The following GPR132 variants were observed in gnomAD, a reference collection of about 807,000 sequenced individuals.
GPR132 encodes the protein probable G protein-coupled receptor 132.
GPR132 carries 4 observed loss-of-function variants against 1.9 expected under a neutral mutation model. The observed-to-expected ratio is 2.13, with a 90% confidence interval of 1.05 to 4.87. GPR132 has a LOEUF of 4.87. GPR132 is among the 30% of genes most tolerant of loss of function. The pLI, the probability that GPR132 is intolerant of heterozygous loss-of-function variation, is 0.01. For missense variants in GPR132, 404 were observed against 512.5 expected (o/e 0.79, Z 2.04); for synonymous variants, 233 against 234.2 (o/e 0.99, Z 0.05).
chr14:105,051,669 C>G lies in GPR132; in HGVS notation c.468G>C (p.Arg156=), dbSNP rs1886647576. Residue 156 remains arginine, a synonymous_variant, in exon 4 of 4, where the codon CGG becomes CGC. Transcript: ENST00000329797. The surrounding 1 kb of genome is among the most constrained non-coding windows in gnomAD (Gnocchi z 8.0). ...AGGCGGAGATGAGGATGGCGGTCCT[C>G]CGGCGGCGGCGGCCCCGACTCTCCA... ...YALESRGRRR[R]RTAILISACI... 3 of 1,613,718 alleles carry G rather than the reference C, an allele frequency of 1.9e-6. No individual in the cohort carries two copies. Among genetic ancestry groups the G allele is most frequent in the Non-Finnish European group, 2.5e-6 (3 of 1,180,020 alleles).
chr14:105,050,466 C>T lies in GPR132; in HGVS notation c.*528G>A, dbSNP rs544190410. ...GCACAGACCCAACCCCAGATGAGGG[C>T]GCCTGCCCCCTTGGAGGTGGTAGGC... is the stretch of plus-strand genomic sequence containing the variant. On this transcript the variant is annotated 3_prime_UTR_variant, in exon 4 of 4. Coordinates refer to ENST00000329797, the MANE Select transcript of GPR132 (RefSeq NM_013345.4). This position sits in a 1 kb window ranked among gnomAD's most constrained non-coding sequence, Gnocchi z 4.0. 7 of 160,346 alleles carry T rather than the reference C, an allele frequency of 4.4e-5. No individual in the cohort carries two copies. In the East Asian group the frequency reaches 5.5e-4, roughly 13 times the overall value. The allele number at this position is 160,346 out of a possible 1,614,324, so 9.9% of individuals were successfully genotyped here.
At chr14:105,057,433 C>T (rs1378614975) in intron 1 of GPR132, 153 bp from the exon 2 acceptor site, 1 of 478,722 alleles carries the variant, frequency 2.1e-6, no homozygotes, top group African/African-American at 2.0e-5. Flanking sequence ...CCGTTGCATC[C>T]CACATGAGAA....
intron 1 of GPR132, 109 bp from the exon 2 acceptor site, chr14:105,057,389 G>T (rs538806917): frequency 3.5e-4 from 180 of 516,680 alleles, no homozygotes; most frequent in Non-Finnish European, 5.6e-4. Context: ...GTGGCCCGTT[G>T]ATTCGTAGGT....
intron 1 of GPR132, among the ~76,000 whole-genome samples, chr14:105,058,916 C>G (rs576092935): frequency 1.3e-5 from 2 of 152,240 alleles, no homozygotes; most frequent in South Asian, 4.1e-4. Context: ...TGTGCCTCTC[C>G]CACAGCCCTG....
chr14:105,055,024 A>C lies in GPR132; in HGVS notation c.34+363T>G, dbSNP rs1446253631. On this transcript the variant is annotated intron_variant, in intron 3 of 3. Transcript: ENST00000329797. The surrounding 1 kb of genome is among the most constrained non-coding windows in gnomAD (Gnocchi z 4.7). ...GGGCAACAGAGCAAGACTCCATCTC[A>C]AAAAAAAAAAAAAAAAAAAAATTCG... is the stretch of plus-strand genomic sequence containing the variant. 1.8e-4 allele frequency among the ~76,000 whole-genome samples: 1 copy of C among 5,490 alleles called. No individual in the cohort carries two copies. Among genetic ancestry groups the C allele is most frequent in the Admixed American group, 1.5e-3 (1 of 662 alleles). 3.6% of individuals were successfully genotyped at this position (5,490 alleles called of 152,430 possible).
chr14:105,065,049 C>G (rs1385819614), intron 1 of GPR132, among the ~76,000 whole-genome samples: 1 of 152,032 alleles, frequency 6.6e-6, no homozygotes, highest in Non-Finnish European at 1.5e-5. Flanking sequence ...AAGTCCAGCC[C>G]CCTGACTCAC....
chr14:105,061,188 G>A (rs540525070), intron 1 of GPR132, among the ~76,000 whole-genome samples: 52 of 152,266 alleles, frequency 3.4e-4, no homozygotes, highest in Admixed American at 2.4e-3. Flanking sequence ...CCCTCGCACC[G>A]AGGTCCAGCT....
In GPR132 at chr14:105,049,632, T is replaced by G. The variant is rs1886577497; in HGVS notation, c.*1362A>C. 1 of 152,176 alleles carries G rather than the reference T, an allele frequency of 6.6e-6. No homozygotes were observed. The highest frequency in any genetic ancestry group is 2.4e-5 in the African/African-American group (1 of 41,396). The allele number at this position is 152,176 out of a possible 1,614,324, so 9.4% of individuals were successfully genotyped here. ...ACTCTCAAGGGGAGGATGGCTGTTTTGGCTGGGTGTGGTGGTGCACACCTG... is the reference window on the plus strand; with the variant it reads ...ACTCTCAAGGGGAGGATGGCTGTTTGGGCTGGGTGTGGTGGTGCACACCTG... On this transcript the variant is annotated 3_prime_UTR_variant, in exon 4 of 4. Transcript: ENST00000329797.
At position 105,054,417 on chromosome 14, in the gene GPR132, CTTTTT is replaced by C. The variant is rs1203351767; in HGVS notation, c.34+965_34+969del. On this transcript the variant is annotated intron_variant, in intron 3 of 3. Transcript: ENST00000329797. ...AGCCCTGCGGCCCCATTGTGTCGCT[CTTTTT>C]TTTTCTTTTTTTTTTTTTTGAGACG... 37 of 892,372 alleles carry C rather than the reference CTTTTT, an allele frequency of 4.1e-5. No individual in the cohort carries two copies. In the African/African-American group the frequency reaches 7.7e-4, roughly 19 times the overall value. The allele number at this position is 892,372 out of a possible 1,614,324, so 55.3% of individuals were successfully genotyped here.
At chr14:105,058,472 T>C (rs1325528425) in intron 1 of GPR132, among the ~76,000 whole-genome samples, 2 of 152,252 alleles carry the variant, frequency 1.3e-5, no homozygotes, top group Non-Finnish European at 2.9e-5. Flanking sequence ...TTTTGGCCTA[T>C]CATGTTGGCA....
In GPR132 at chr14:105,051,053, G is replaced by T; in HGVS notation, c.1084C>A (p.Pro362Thr). ...ALADHYTFSR[P>T]VHPPGSPCPA... Reference sequence around the variant, plus strand: ...CATGGTGACCCTGGTGGGTGCACGGGCCTGGAGAAGGTGTAGTGGTCTGCA... The same window carrying T: ...CATGGTGACCCTGGTGGGTGCACGGTCCTGGAGAAGGTGTAGTGGTCTGCA... The change falls in exon 4 of 4, where the codon CCC (proline) becomes ACC (threonine). Residue 362 changes from proline (P) to threonine (T), a missense_variant. Coordinates refer to ENST00000329797, the MANE Select transcript of GPR132 (RefSeq NM_013345.4). This position sits in a 1 kb window ranked among gnomAD's most constrained non-coding sequence, Gnocchi z 8.0. The T allele has an allele frequency of 6.2e-7, 1 of 1,614,156 alleles. No homozygotes were observed. The highest frequency in any genetic ancestry group is 1.7e-5 in the Admixed American group (1 of 60,022).
At chr14:105,062,881 T>C (rs1417046619) in intron 1 of GPR132, among the ~76,000 whole-genome samples, 1 of 151,950 alleles carries the variant, frequency 6.6e-6, no homozygotes, top group Non-Finnish European at 1.5e-5. Flanking sequence ...TCTCTCTCTC[T>C]CCCTAACCCT....
intron 1 of GPR132, chr14:105,057,483 A>G: frequency 3.2e-6 from 1 of 312,460 alleles, no homozygotes; most frequent in South Asian, 7.7e-5. Flanking sequence ...TCAAAACGTC[A>G]CATTAGCCAC....
In GPR132 at chr14:105,049,854, A is replaced by C. The variant is rs1367929739; in HGVS notation, c.*1140T>G. On this transcript the variant is annotated 3_prime_UTR_variant, in exon 4 of 4. Coordinates refer to ENST00000329797, the MANE Select transcript of GPR132 (RefSeq NM_013345.4). The stretch of plus-strand genomic sequence containing the variant: ...AAGAGCAACTGCATAGCTGCCTGAC[A>C]AAACGAGAGCGTGGCTCAGCCCCAC... The C allele has an allele frequency of 6.6e-6, 1 of 152,390 alleles. No homozygotes were observed. Among genetic ancestry groups the C allele is most frequent in the Non-Finnish European group, 1.5e-5 (1 of 68,148 alleles). The allele number at this position is 152,390 out of a possible 1,614,324, so 9.4% of individuals were successfully genotyped here.
intron 3 of GPR132, chr14:105,054,357 C>G (rs1886729231): frequency 1.0e-6 from 1 of 985,284 alleles, no homozygotes; most frequent in African/African-American, 1.7e-5. Context: ...CTGTTGACCT[C>G]CAGCACGATG....
intron 3 of GPR132, among the ~76,000 whole-genome samples, chr14:105,052,409 C>A (rs1886675534): frequency 6.6e-6 from 1 of 152,036 alleles, no homozygotes; most frequent in Non-Finnish European, 1.5e-5. Context: ...CTCACTGCAA[C>A]CTCTGCCTCC....
chr14:105,060,665 C>T lies in GPR132; in HGVS notation c.-860-3385G>A, dbSNP rs1016636311. Among the ~76,000 whole-genome samples the T allele has an allele frequency of 4.6e-5, 7 of 152,194 alleles. No homozygotes were observed. Among genetic ancestry groups the T allele is most frequent in the Non-Finnish European group, 1.0e-4 (7 of 68,036 alleles). On this transcript the variant is annotated intron_variant, in intron 1 of 3. Coordinates refer to ENST00000329797, the MANE Select transcript of GPR132 (RefSeq NM_013345.4). This position sits in a 1 kb window ranked among gnomAD's most constrained non-coding sequence, Gnocchi z 6.3. ...CTGGGCCCCATCAGAACGCCTGAGC[C>T]GCCCAGGAAGGGGCTCCCGGGGAGT... is the stretch of plus-strand genomic sequence containing the variant.
chr14:105,062,869 T>C (rs1168523853), intron 1 of GPR132, among the ~76,000 whole-genome samples: 2 of 151,546 alleles, frequency 1.3e-5, no homozygotes, highest in Admixed American at 6.6e-5. Flanking sequence ...TTAAAATTGT[T>C]CTCTCTCTCT....
chr14:105,058,431 A>G (rs909600893), intron 1 of GPR132, among the ~76,000 whole-genome samples: 3 of 152,260 alleles, frequency 2.0e-5, no homozygotes, highest in African/African-American at 7.2e-5. Flanking sequence ...TGCAAACATG[A>G]ATATCTGAAA....
Sources: gnomAD v4.1 joint callset for allele counts (sites outside exome capture counted in the v4.1 genomes callset) on GRCh38, gnomAD v4.1.1 for gene constraint, Gnocchi (gnomAD v3.1) non-coding constraint, MANE v1.5 for transcripts, NCBI Gene and HGNC (gene_info 2026-07-23, HGNC 2026-07-21) for gene names.